The following PHKB variants were observed in gnomAD, a reference collection of about 807,000 sequenced individuals.
PHKB encodes phosphorylase b kinase regulatory subunit beta.
Under a neutral mutation model 152.1 loss-of-function variants are expected in PHKB, and 122 were observed. The observed-to-expected ratio is 0.80, with a 90% CI of 0.69 to 0.93. The LOEUF is 0.93. PHKB is among the 40% of genes least tolerant of loss of function. PHKB has a pLI of 0.00. For synonymous variants in PHKB, 436 were observed against 464.9 expected, an observed-to-expected ratio of 0.94 and a Z score of 0.80; for missense variants, 1,304 against 1,328.4, an observed-to-expected ratio of 0.98 and a Z score of 0.29.
chr16:47,610,133 C>T (rs1234456648), intron 13 of PHKB, among the ~76,000 whole-genome samples: 2 of 149,620 alleles, frequency 1.3e-5, no homozygotes, highest in Non-Finnish European at 3.0e-5. Flanking sequence ...GCTGGGATTA[C>T]AGGCACACAC....
chr16:47,623,499 T>C (rs1365268380), intron 14 of PHKB, among the ~76,000 whole-genome samples: 4 of 150,328 alleles, frequency 2.7e-5, no homozygotes, highest in Admixed American at 2.6e-4. Flanking sequence ...TTTTTTTTTT[T>C]GGTTCCATTT....
intron 11 of PHKB, 120 bp from the exon 12 acceptor site, chr16:47,594,017 C>T: frequency 1.6e-6 from 1 of 632,576 alleles, no homozygotes; most frequent in East Asian, 2.9e-5. Flanking sequence ...TTTAATTTTA[C>T]CATTGGCATA....
intron 7 of PHKB, among the ~76,000 whole-genome samples, chr16:47,576,921 G>T (rs769270471): frequency 5.1e-4 from 78 of 152,000 alleles, no homozygotes; most frequent in Non-Finnish European, 1.0e-3. Context: ...CTTTCAATTG[G>T]TGTATTTCAT....
intron 16 of PHKB, among the ~76,000 whole-genome samples, chr16:47,646,548 T>A (rs1463600277): frequency 4.6e-4 from 48 of 104,522 alleles, no homozygotes; most frequent in African/African-American, 1.1e-3. Context: ...AAAAAAACAT[T>A]AAAAATAAAA....
intron 26 of PHKB, among the ~76,000 whole-genome samples, chr16:47,684,639 C>T (rs112412727): frequency 1.8e-3 from 269 of 151,140 alleles, no homozygotes; most frequent in African/African-American, 6.2e-3. Flanking sequence ...TAGTAGCGGG[C>T]GCCTGTAGTC....
intron 1 of PHKB, among the ~76,000 whole-genome samples, chr16:47,469,759 A>T (rs1261830729): frequency 1.3e-5 from 2 of 152,162 alleles, no homozygotes. Context: ...CCTAAAACAA[A>T]ATTTGAAATT....
chr16:47,659,400 G>GTAA (rs1452406160), intron 20 of PHKB, among the ~76,000 whole-genome samples: 1 of 152,110 alleles, frequency 6.6e-6, no homozygotes, highest in Non-Finnish European at 1.5e-5. Flanking sequence ...TTATAAATAT[G>GTAA]TAATAAATAT....
At chr16:47,685,412 G>A (rs1049952835) in intron 26 of PHKB, among the ~76,000 whole-genome samples, 2 of 151,966 alleles carry the variant, frequency 1.3e-5, no homozygotes, top group Admixed American at 1.3e-4. Flanking sequence ...GTGACAGGGC[G>A]AGACTCCTCC....
In PHKB at chr16:47,587,735, C is replaced by T. The variant is rs1415936620; in HGVS notation, c.842C>T (p.Ser281Leu). ...AATCGCAACAGGCAAACTTTGTGCT[C>T]GCTGTTACCCAGAGAATCAAGATCA... is the stretch of plus-strand genomic sequence containing the variant. ...AHNRNRQTLC[S>L]LLPRESRSHN... Residue 281 changes from serine (S) to leucine (L), a missense_variant, in exon 9 of 31, where the codon TCG becomes TTG. Coordinates refer to ENST00000323584, the MANE Select transcript of PHKB (RefSeq NM_000293.3). The T allele has an allele frequency of 4.3e-6, 7 of 1,612,606 alleles. No individual in the cohort carries two copies. Among genetic ancestry groups the T allele is most frequent in the East Asian group, 2.2e-5 (1 of 44,878 alleles).
Position 47,689,185 on chromosome 16 carries a change from G to T in PHKB, c.2765+10G>T. ...CTCAACAGAATGGAAGGTAATAAGG[G>T]CCCCTTGTTACCTACATGATACTCT... On this transcript the variant is annotated intron_variant, in intron 27 of 30. Transcript: ENST00000323584. 6.2e-7 allele frequency: 1 copy of T among 1,613,242 alleles called. No homozygotes were observed. The highest frequency in any genetic ancestry group is 1.7e-4 in the Middle Eastern group (1 of 6,048).
At chr16:47,565,650 C>T (rs1971552461) in intron 7 of PHKB, 1 of 1,177,388 alleles carries the variant, frequency 8.5e-7, no homozygotes, top group Non-Finnish European at 1.3e-6. Context: ...TGACTCACTT[C>T]CTGTCCTCGA....
At chr16:47,656,546 T>G (rs1027992773) in intron 20 of PHKB, among the ~76,000 whole-genome samples, 1 of 152,202 alleles carries the variant, frequency 6.6e-6, no homozygotes, top group Non-Finnish European at 1.5e-5. Flanking sequence ...ATGCATAACA[T>G]AAAATTTGCC....
intron 26 of PHKB, among the ~76,000 whole-genome samples, chr16:47,688,288 C>A (rs1974000062): frequency 6.6e-6 from 1 of 152,172 alleles, no homozygotes. Context: ...AGTATTATTT[C>A]CAGAGTTTTC....
intron 23 of PHKB, among the ~76,000 whole-genome samples, chr16:47,662,338 T>G (rs968373931): frequency 1.3e-5 from 2 of 152,214 alleles, no homozygotes; most frequent in Non-Finnish European, 2.9e-5. Context: ...CACTTGCATG[T>G]GGAGTCACCA....
intron 7 of PHKB, among the ~76,000 whole-genome samples, chr16:47,562,650 C>G (rs950519013): frequency 2.6e-5 from 4 of 152,222 alleles, no homozygotes; most frequent in African/African-American, 9.6e-5. Flanking sequence ...GATGGAAGGT[C>G]TTGCCTCAGT....
At position 47,528,400 on chromosome 16, in the gene PHKB, G is replaced by A. The variant is rs1273939445; in HGVS notation, c.594+12799G>A. On this transcript the variant is annotated intron_variant, in intron 6 of 30. Coordinates refer to ENST00000323584, the MANE Select transcript of PHKB (RefSeq NM_000293.3). ...AAGAGAATAGCTCTCTAGCTAGTTA[G>A]TTAATAGGCACATTTTATCAAAGCT... Among the ~76,000 whole-genome samples, 5 of 152,220 alleles carry A rather than the reference G, an allele frequency of 3.3e-5. No homozygotes were observed. The East Asian group carries it at 9.7e-4, about 29-fold the overall frequency.
intron 1 of PHKB, among the ~76,000 whole-genome samples, chr16:47,486,334 G>T: frequency 6.6e-6 from 1 of 152,172 alleles, no homozygotes; most frequent in East Asian, 1.9e-4. Flanking sequence ...TGTATTGGAT[G>T]ACTTGTCCTT....
chr16:47,502,973 G>A lies in PHKB; in HGVS notation c.306-18G>A. ...AATGCATTTCCAATTAGTTTCATGA[G>A]TTATCTCTCTCACCCAGGCGAATTG... On this transcript the variant is annotated intron_variant, in intron 3 of 30. Coordinates refer to ENST00000323584, the MANE Select transcript of PHKB (RefSeq NM_000293.3). 2 of 1,543,034 alleles carry A rather than the reference G, an allele frequency of 1.3e-6. 1 individual carries two copies. The highest frequency in any genetic ancestry group is 2.2e-5 in the South Asian group (2 of 89,508).
intron 7 of PHKB, among the ~76,000 whole-genome samples, chr16:47,555,615 T>A (rs1971355220): frequency 1.3e-5 from 2 of 152,244 alleles, no homozygotes; most frequent in South Asian, 2.1e-4. Flanking sequence ...TTCAATAGCT[T>A]ATAATAGAAT....
Sources: gnomAD v4.1 joint callset for allele counts (sites outside exome capture counted in the v4.1 genomes callset) on GRCh38, gnomAD v4.1.1 for gene constraint, MANE v1.5 for transcripts, NCBI Gene and HGNC (gene_info 2026-07-23, HGNC 2026-07-21) for gene names.